PCDHGB4: variants seen among roughly 807,000 people sequenced by gnomAD.
PCDHGB4 encodes protocadherin gamma-B4.
Under a neutral mutation model 60.5 loss-of-function variants are expected in PCDHGB4, and 38 were observed. The observed-to-expected ratio is 0.63, with a 90% confidence interval of 0.48 to 0.82. PCDHGB4 has a LOEUF of 0.82. Among genes scored for constraint, PCDHGB4 ranks in the 40% least tolerant of loss-of-function variants. The probability of loss-of-function intolerance (pLI) is 0.00; values close to 1 mark genes in which losing one functional copy is unlikely to be tolerated. For missense variants in PCDHGB4, 1,109 were observed against 1,209.6 expected (o/e 0.92, Z 1.23); for synonymous variants, 456 against 509.7 (o/e 0.89, Z 1.42).
intron 1 of PCDHGB4, among the ~76,000 whole-genome samples, chr5:141,401,463 C>G (rs2094158062): frequency 6.6e-6 from 1 of 152,214 alleles, no homozygotes; most frequent in Admixed American, 6.5e-5. Flanking sequence ...AAATAATTTT[C>G]TAAGTTTATC....
intron 1 of PCDHGB4, chr5:141,393,940 C>T: frequency 3.7e-6 from 6 of 1,613,928 alleles, no homozygotes; most frequent in Non-Finnish European, 5.1e-6. Flanking sequence ...GACCAAGACT[C>T]TGGAAAGAAT....
intron 1 of PCDHGB4, chr5:141,410,053 C>T: frequency 6.2e-7 from 1 of 1,613,160 alleles, no homozygotes; most frequent in African/African-American, 1.3e-5. Context: ...CCGGACTCTT[C>T]AGCCTGGGGC....
chr5:141,409,734 G>C (rs1278458472), intron 1 of PCDHGB4: 2 of 1,613,144 alleles, frequency 1.2e-6, no homozygotes, highest in Admixed American at 3.3e-5. Flanking sequence ...AGCGCGCAGA[G>C]CGGGGTGGTG....
At position 141,389,914 on chromosome 5, in the gene PCDHGB4, C is replaced by G. The variant is rs754458764; in HGVS notation, c.2030C>G (p.Pro677Arg). The change falls in exon 1 of 4, where the codon CCC (proline) becomes CGC (arginine). Residue 677 changes from proline (P) to arginine (R), a missense_variant. Coordinates refer to ENST00000519479, the MANE Select transcript of PCDHGB4 (RefSeq NM_003736.4). Reference sequence around the variant, plus strand: ...GTGCTGCCGGATATCACTGACCGCCCCGACCCCTCTGACCTCCAGGCTGAG... The same window carrying G: ...GTGCTGCCGGATATCACTGACCGCCGCGACCCCTCTGACCTCCAGGCTGAG... Reference protein sequence around the residue: ...QEVLPDITDRPDPSDLQAELQ... With the variant: ...QEVLPDITDRRDPSDLQAELQ... 6.2e-7 allele frequency: 1 copy of G among 1,614,074 alleles called. No homozygotes were observed. The highest frequency in any genetic ancestry group is 8.5e-7 in the Non-Finnish European group (1 of 1,179,908).
rs1467738404 is a variant in PCDHGB4 at position 141,430,698 on chromosome 5, G to A, written c.2397+40417G>A. On this transcript the variant is annotated intron_variant, in intron 1 of 3. Coordinates refer to ENST00000519479, the MANE Select transcript of PCDHGB4 (RefSeq NM_003736.4). The stretch of plus-strand genomic sequence containing the variant: ...CAACTGTCCCATTCTATGGGCGAAG[G>A]AACTGCTCCTGACTTCAGTGGTTAA... 4.1e-6 allele frequency: 6 copies of A among 1,451,686 alleles called. No homozygotes were observed. The South Asian group carries it at 7.8e-5, about 19-fold the overall frequency. The allele number at this position is 1,451,686 out of a possible 1,614,324, so 89.9% of individuals were successfully genotyped here.
intron 1 of PCDHGB4, among the ~76,000 whole-genome samples, chr5:141,439,406 C>T (rs2098110611): frequency 6.6e-6 from 1 of 152,190 alleles, no homozygotes; most frequent in Non-Finnish European, 1.5e-5. Flanking sequence ...CATGTGCTAA[C>T]ATCACTGAGG....
chr5:141,421,353 G>T, intron 1 of PCDHGB4: 1 of 1,613,998 alleles, frequency 6.2e-7, no homozygotes, highest in Non-Finnish European at 8.5e-7. Context: ...AGACCGAAAA[G>T]GGCTCCTTCG....
In PCDHGB4 at chr5:141,477,875, G is replaced by A. The variant is rs760433987; in HGVS notation, c.2398-16932G>A. Reference sequence around the variant, plus strand: ...GATGCTGCCTCGAGGTACCTCAGCTGGCCACCTAGTGTCACGGGTGGTAGG... The same window carrying A: ...GATGCTGCCTCGAGGTACCTCAGCTAGCCACCTAGTGTCACGGGTGGTAGG... On this transcript the variant is annotated intron_variant, in intron 1 of 3. Coordinates refer to ENST00000519479, the MANE Select transcript of PCDHGB4 (RefSeq NM_003736.4). The surrounding 1 kb of genome is among the most constrained non-coding windows in gnomAD (Gnocchi z 4.9). 1 of 1,614,162 alleles carries A rather than the reference G, an allele frequency of 6.2e-7. No homozygotes were observed. Among genetic ancestry groups the A allele is most frequent in the Non-Finnish European group, 8.5e-7 (1 of 1,180,028 alleles).
chr5:141,420,205 C>T (rs776838072), intron 1 of PCDHGB4: 14 of 1,612,942 alleles, frequency 8.7e-6, no homozygotes, highest in African/African-American at 1.3e-5. Context: ...ATAACCTCAA[C>T]AAAGATAGCA....
At chr5:141,478,338 C>T in intron 1 of PCDHGB4, 2 of 1,613,936 alleles carry the variant, frequency 1.2e-6, no homozygotes, top group South Asian at 1.1e-5. Flanking sequence ...CCAGGGCCCT[C>T]CTTGCACGCG....
At chr5:141,456,309 A>T (rs1305324857) in intron 1 of PCDHGB4, among the ~76,000 whole-genome samples, 1 of 152,138 alleles carries the variant, frequency 6.6e-6, no homozygotes, top group Non-Finnish European at 1.5e-5. Flanking sequence ...AACAGCAGCT[A>T]GGGCTCCTCC....
chr5:141,429,169 T>TACACACACACACACAC (rs10667977), intron 1 of PCDHGB4: 2 of 145,394 alleles, frequency 1.4e-5, no homozygotes, highest in East Asian at 2.0e-4. Flanking sequence ...ACATTGTTTA[T>TACACACACACACACAC]ACACACACAC....
chr5:141,462,070 G>C lies in PCDHGB4; in HGVS notation c.2398-32737G>C, dbSNP rs572217894. Among the ~76,000 whole-genome samples, 18 of 152,196 alleles carry C rather than the reference G, an allele frequency of 1.2e-4. No individual in the cohort carries two copies. In the South Asian group the frequency reaches 3.7e-3, roughly 32 times the overall value. On this transcript the variant is annotated intron_variant, in intron 1 of 3. Coordinates refer to ENST00000519479, the MANE Select transcript of PCDHGB4 (RefSeq NM_003736.4). ...ACTCCCGACCTCAGGTGATCTGCCC[G>C]CCTTGGCCTCCCAAAATGCTGGGAT...
rs374191427 is a variant in PCDHGB4 at position 141,419,804 on chromosome 5, G to A, written c.2397+29523G>A. ...GCGCCTGCTAGTCGCTGTAAGAGAT[G>A]GAGGACAGCCACCCCTTTCAGCCAC... On this transcript the variant is annotated intron_variant, in intron 1 of 3. Coordinates refer to ENST00000519479, the MANE Select transcript of PCDHGB4 (RefSeq NM_003736.4). The A allele has an allele frequency of 2.8e-5, 45 of 1,613,946 alleles. No homozygotes were observed. The highest frequency in any genetic ancestry group is 1.6e-4 in the Middle Eastern group (1 of 6,082).
chr5:141,416,223 A>AT, intron 1 of PCDHGB4: 1 of 152,302 alleles, frequency 6.6e-6, no homozygotes, highest in East Asian at 1.9e-4. Flanking sequence ...GTATGCTTAG[A>AT]TTTTTCCAGC....
At chr5:141,502,363 T>C (rs1216939790) in intron 2 of PCDHGB4, among the ~76,000 whole-genome samples, 2 of 152,100 alleles carry the variant, frequency 1.3e-5, no homozygotes, top group African/African-American at 4.8e-5. Context: ...ATGGATATTT[T>C]TAAAGAGTCC....
rs747671382 is a variant in PCDHGB4 at position 141,444,152 on chromosome 5, A to ATTTTTTTTTT, written c.2398-50628_2398-50619dup. 1.8e-4 allele frequency among the ~76,000 whole-genome samples: 6 copies of ATTTTTTTTTT among 33,898 alleles called. 2 individuals are homozygous for ATTTTTTTTTT. Among genetic ancestry groups the ATTTTTTTTTT allele is most frequent in the Non-Finnish European group, 3.1e-4 (6 of 19,312 alleles). The allele number at this position is 33,898 out of a possible 152,430, so 22.2% of individuals were successfully genotyped here. A position where few individuals can be genotyped will look rare whatever the true frequency, so the allele number is the denominator to read the frequency against. On this transcript the variant is annotated intron_variant, in intron 1 of 3. Coordinates refer to ENST00000519479, the MANE Select transcript of PCDHGB4 (RefSeq NM_003736.4). ...GATATGTGTCACTTGTGTGTACTGG[A>ATTTTTTTTTT]TTTTTTTTTTTTTTTTTTTTTTTTT...
At chr5:141,418,045 G>A (rs754041387) in intron 1 of PCDHGB4, 2 of 1,614,002 alleles carry the variant, frequency 1.2e-6, no homozygotes, top group East Asian at 2.2e-5. Flanking sequence ...TGGATGTGTC[G>A]GCTCGCGAGC....
intron 2 of PCDHGB4, among the ~76,000 whole-genome samples, chr5:141,504,794 A>G (rs2099841154): frequency 6.6e-6 from 1 of 151,718 alleles, no homozygotes; most frequent in African/African-American, 2.4e-5. Flanking sequence ...GGCCTCCTAC[A>G]TCTCCCCCTA....
Sources: gnomAD v4.1 joint callset for allele counts (sites outside exome capture counted in the v4.1 genomes callset) on GRCh38, gnomAD v4.1.1 for gene constraint, Gnocchi (gnomAD v3.1) non-coding constraint, MANE v1.5 for transcripts, NCBI Gene and HGNC (gene_info 2026-07-23, HGNC 2026-07-21) for gene names.